Variants in AKAP19 observed in about 807,000 individuals in gnomAD.
The protein encoded by AKAP19 is small A-kinase anchoring protein.
At chr2:190,071,106 A>G in the AKAP19 span, among the ~76,000 whole-genome samples, 1 of 152,168 alleles carries the variant, frequency 6.6e-6, no homozygotes, top group African/African-American at 2.4e-5. Flanking sequence ...CTTAGTTTTT[A>G]ACAAAAACAT....
At chr2:189,915,662 C>T in the AKAP19 span, among the ~76,000 whole-genome samples, 1 of 151,994 alleles carries the variant, frequency 6.6e-6, no homozygotes, top group Admixed American at 6.6e-5. Context: ...TATAGTTTCC[C>T]TTGACACTGA....
the AKAP19 span, among the ~76,000 whole-genome samples, chr2:190,111,055 C>T: frequency 6.6e-6 from 1 of 152,116 alleles, no homozygotes; most frequent in Admixed American, 6.6e-5. Context: ...AGCAGTGATT[C>T]TAATTTTGTG....
chr2:189,898,685 G>C, the AKAP19 span, among the ~76,000 whole-genome samples: 2 of 152,108 alleles, frequency 1.3e-5, no homozygotes, highest in Non-Finnish European at 2.9e-5. Context: ...AGTTCTACTT[G>C]AAAGTTTTTG....
chr2:190,143,091 G>A, the AKAP19 span, among the ~76,000 whole-genome samples: 1 of 152,070 alleles, frequency 6.6e-6, no homozygotes, highest in East Asian at 1.9e-4. Flanking sequence ...CATATAATAA[G>A]GTCCTATTTG....
the AKAP19 span, among the ~76,000 whole-genome samples, chr2:190,172,218 C>A: frequency 1.3e-5 from 2 of 152,190 alleles, no homozygotes; most frequent in Non-Finnish European, 2.9e-5. Flanking sequence ...GGTTCAGATC[C>A]AAACTTACCC....
the AKAP19 span, among the ~76,000 whole-genome samples, chr2:190,116,651 G>C: frequency 6.6e-6 from 1 of 152,218 alleles, no homozygotes; most frequent in South Asian, 2.1e-4. Flanking sequence ...CCACTCACAG[G>C]GTTTGTTTTC....
At chr2:190,146,446 G>T in the AKAP19 span, among the ~76,000 whole-genome samples, 1 of 152,262 alleles carries the variant, frequency 6.6e-6, no homozygotes, top group African/African-American at 2.4e-5. Context: ...ATTGTGAATT[G>T]TGCCGCTATA....
chr2:190,202,413 T>C, the AKAP19 span: 1 of 166,614 alleles, frequency 6.0e-6, no homozygotes, highest in East Asian at 1.9e-4. Context: ...CAGGAGCAAA[T>C]GGGAGAAAGA....
the AKAP19 span, among the ~76,000 whole-genome samples, chr2:190,107,669 G>A: frequency 2.0e-4 from 30 of 152,244 alleles, no homozygotes; most frequent in Admixed American, 3.3e-4. Flanking sequence ...AAAGTCAGGC[G>A]TGGGTATCTC....
chr2:190,023,537 G>T, the AKAP19 span, among the ~76,000 whole-genome samples: 2 of 151,890 alleles, frequency 1.3e-5, no homozygotes, highest in Non-Finnish European at 2.9e-5. Context: ...GAGATATTTT[G>T]GTGGAATATC....
chr2:190,038,919 C>A, the AKAP19 span, among the ~76,000 whole-genome samples: 1 of 126,616 alleles, frequency 7.9e-6, no homozygotes, highest in East Asian at 2.1e-4. Context: ...TCTTCTTCTT[C>A]TTCTTCTTCT....
At chr2:189,945,958 C>T in the AKAP19 span, among the ~76,000 whole-genome samples, 1 of 152,156 alleles carries the variant, frequency 6.6e-6, no homozygotes, top group Non-Finnish European at 1.5e-5. Context: ...ACTATAGTTG[C>T]TACTTGACAC....
the AKAP19 span, among the ~76,000 whole-genome samples, chr2:189,909,379 T>C: frequency 6.6e-6 from 1 of 152,048 alleles, no homozygotes; most frequent in Non-Finnish European, 1.5e-5. Flanking sequence ...TAAAGACTTA[T>C]TGTTTATCAT....
At chr2:190,155,134 TC>T in the AKAP19 span, among the ~76,000 whole-genome samples, 3 of 151,932 alleles carry the variant, frequency 2.0e-5, no homozygotes, top group South Asian at 2.1e-4. Flanking sequence ...ACATTTTCTC[TC>T]CCCCCTTCCC....
At chr2:189,926,827 C>T in the AKAP19 span, among the ~76,000 whole-genome samples, 3 of 151,962 alleles carry the variant, frequency 2.0e-5, no homozygotes, top group African/African-American at 7.3e-5. Flanking sequence ...TCATGATGCG[C>T]CCGTCTTGGC....
chr2:190,031,836 A>G, the AKAP19 span, among the ~76,000 whole-genome samples: 1 of 152,202 alleles, frequency 6.6e-6, no homozygotes, highest in South Asian at 2.1e-4. Context: ...AATTGGACAA[A>G]TGCTGGGTCA....
At chr2:190,142,660 T>C in the AKAP19 span, among the ~76,000 whole-genome samples, 1 of 152,200 alleles carries the variant, frequency 6.6e-6, no homozygotes, top group Admixed American at 6.5e-5. Flanking sequence ...AGCCAAGTTG[T>C]GAAGGGTTGC....
chr2:189,975,039 AT>A, the AKAP19 span, among the ~76,000 whole-genome samples: 1 of 152,042 alleles, frequency 6.6e-6, no homozygotes, highest in Admixed American at 6.6e-5. Flanking sequence ...TTAGCTGGTT[AT>A]TTTGCTCGTT....
chr2:190,067,376 A>G, the AKAP19 span, among the ~76,000 whole-genome samples: 2 of 152,226 alleles, frequency 1.3e-5, no homozygotes, highest in African/African-American at 4.8e-5. Flanking sequence ...CCATATGCCC[A>G]AAGTAGTACT....
Sources: gnomAD v4.1 joint callset for allele counts (sites outside exome capture counted in the v4.1 genomes callset) on GRCh38, gnomAD v4.1.1 for gene constraint, MANE v1.5 for transcripts, NCBI Gene and HGNC (gene_info 2026-07-23, HGNC 2026-07-21) for gene names.